Variants in CLCN5 observed in about 807,000 individuals in gnomAD.
CLCN5 encodes Cl-/H+ antiporter 5.
A neutral mutation model predicts 54.0 loss-of-function variants in CLCN5; 17 were observed. That is an observed-to-expected ratio of 0.31 (90% CI 0.22 to 0.47). The LOEUF (loss-of-function observed/expected upper bound fraction) is 0.47, where lower values mean the gene tolerates loss of function less well. Ranked by LOEUF, CLCN5 falls within the 20% of genes least tolerant of loss-of-function variation. CLCN5 has a pLI of 1.00. For missense variants in CLCN5, 448 were observed against 646.7 expected, an observed-to-expected ratio of 0.69 and a Z score of 3.33; for synonymous variants, 222 against 233.0, an observed-to-expected ratio of 0.95 and a Z score of 0.43.
chrX:50,077,280 TTTAGGTCTATGC>T (rs1164419807), intron 7 of CLCN5, among the ~76,000 whole-genome samples: 2 of 110,313 alleles, frequency 1.8e-5, no homozygotes, highest in East Asian at 5.7e-4. Context: ...TTTGAGAGAG[TTTAGGTCTATGC>T]TTCTCAAACT....
chrX:50,009,323 A>T lies in CLCN5; in HGVS notation c.17-32993A>T, dbSNP rs183243895. ...ATTGGGTGATGAGACTTGCACAGCC[A>T]GTCTTTGCTCTCAGTGAGCTTATAG... On this transcript the variant is annotated intron_variant, in intron 3 of 14. Coordinates refer to ENST00000376091, the MANE Select transcript of CLCN5 (RefSeq NM_001127898.4). 1.2e-4 allele frequency among the ~76,000 whole-genome samples: 13 copies of T among 112,145 alleles called. No homozygotes were observed. In the East Asian group the frequency reaches 3.7e-3, roughly 32 times the overall value.
chrX:49,926,973 C>G (rs781852064), intron 3 of CLCN5, among the ~76,000 whole-genome samples: 1 of 111,031 alleles, frequency 9.0e-6, no homozygotes, highest in Non-Finnish European at 1.9e-5. Flanking sequence ...TAACTACCAG[C>G]TTGGGTGCCT....
intron 9 of CLCN5, among the ~76,000 whole-genome samples, chrX:50,082,555 C>T (rs999783880): frequency 9.0e-5 from 10 of 110,759 alleles, no homozygotes; most frequent in African/African-American, 3.0e-4. Flanking sequence ...TCAAGCAATC[C>T]TCCTCCCTCA....
At chrX:50,027,430 T>A (rs145728069) in intron 3 of CLCN5, among the ~76,000 whole-genome samples, 1,137 of 112,288 alleles carry the variant, frequency 0.01, 10 homozygotes, top group Non-Finnish European at 0.016. Context: ...TGAATTTCAG[T>A]TTCAGAAGTT....
chrX:49,946,915 G>A (rs1457059955), intron 3 of CLCN5, among the ~76,000 whole-genome samples: 1 of 109,658 alleles, frequency 9.1e-6, no homozygotes, highest in African/African-American at 3.3e-5. Flanking sequence ...CACAACCTCC[G>A]CTTCCTGGAT....
In CLCN5 at chrX:50,086,516, G is replaced by C. The variant is rs34122840; in HGVS notation, c.1203G>C (p.Leu401=). ...TTCTGCTGGGCATATTTGGTGGTCT[G>C]TGGGGAGCACTGTTTATCCGCACAA... ...PFILLGIFGG[L]WGALFIRTNI... Residue 401 remains leucine, a synonymous_variant, in exon 11 of 15, where the codon CTG becomes CTC. Coordinates refer to ENST00000376091, the MANE Select transcript of CLCN5 (RefSeq NM_001127898.4). 7.8e-3 allele frequency: 9,436 copies of C among 1,208,466 alleles called. 512 individuals are homozygous for C. In the African/African-American group the frequency reaches 0.15, roughly 19 times the overall value.
At chrX:50,059,759 A>G (rs1932820746) in intron 4 of CLCN5, among the ~76,000 whole-genome samples, 1 of 109,398 alleles carries the variant, frequency 9.1e-6, no homozygotes, top group Middle Eastern at 4.2e-3. Flanking sequence ...AAGTAACTGT[A>G]CATGGAATAA....
intron 1 of CLCN5, 74 bp from the exon 2 acceptor site, chrX:49,923,333 C>G (rs782453380): frequency 8.0e-5 from 9 of 112,596 alleles, no homozygotes; most frequent in Non-Finnish European, 1.7e-4. Context: ...GAGCCTTGCT[C>G]TTGAGCGCCT....
In CLCN5 at chrX:50,086,794, T is replaced by C. The variant is rs1557194069; in HGVS notation, c.1481T>C (p.Val494Ala). ...CCTGACAGACCGGCTGGCGTGGGAG[T>C]CTACAGTGCAATGTGGCAGCTGGCT... ...ELPDRPAGVGVYSAMWQLALT... is the reference protein window; with the variant it reads ...ELPDRPAGVGAYSAMWQLALT... Residue 494 changes from valine (V) to alanine (A), a missense_variant, in exon 11 of 15, where the codon GTC becomes GCC. Physicochemically the swap from Val to Ala is moderately conservative, Grantham distance 64 (BLOSUM62 0). Around this residue, in one of 5 missense-constraint regions of CLCN5, gnomAD observed 297 missense variants for 470.4 expected, o/e 0.63. Coordinates refer to ENST00000376091, the MANE Select transcript of CLCN5 (RefSeq NM_001127898.4). 4 of 1,210,393 alleles carry C rather than the reference T, an allele frequency of 3.3e-6. No homozygotes were observed. Among genetic ancestry groups the C allele is most frequent in the Non-Finnish European group, 4.5e-6 (4 of 895,049 alleles).
In CLCN5 at chrX:50,097,996, A is replaced by C. The variant is rs1934314826; in HGVS notation, c.*5777A>C. 8.9e-6 allele frequency: 1 copy of C among 112,358 alleles called. No homozygotes were observed. Among genetic ancestry groups the C allele is most frequent in the Non-Finnish European group, 1.9e-5 (1 of 53,230 alleles). The allele number at this position is 112,358 out of a possible 1,213,427, so 9.3% of individuals were successfully genotyped here. The stretch of plus-strand genomic sequence containing the variant: ...GGGGAATGTTCAGCCTCACTGTCAC[A>C]TTAAGGGTACCTCAAAATACATGGT... On this transcript the variant is annotated 3_prime_UTR_variant, in exon 15 of 15. Transcript: ENST00000376091.
At position 49,984,975 on chromosome X, in the gene CLCN5, G is replaced by GT. The variant is rs1261322492; in HGVS notation, c.17-57331dup. On this transcript the variant is annotated intron_variant, in intron 3 of 14. Transcript: ENST00000376091. The stretch of plus-strand genomic sequence containing the variant: ...TTCTCTCATTTTGAGTACTTGGGCT[G>GT]TTTTTTTTTTGCTGTTGTTGTTTGA... 8.2e-3 allele frequency among the ~76,000 whole-genome samples: 836 copies of GT among 102,388 alleles called. 13 individuals carry two copies. The highest frequency in any genetic ancestry group is 0.027 in the African/African-American group (766 of 28,320). 88.9% of individuals were successfully genotyped at this position (102,388 alleles called of 115,157 possible).
intron 7 of CLCN5, among the ~76,000 whole-genome samples, chrX:50,080,254 ATGACATGGAATCATATATATT>A (rs1480374510): frequency 9.0e-6 from 1 of 111,282 alleles, no homozygotes; most frequent in African/African-American, 3.3e-5. Flanking sequence ...TCTTGGTAAA[ATGACATGGAATCATATATATT>A]TGACTACAAA....
intron 3 of CLCN5, among the ~76,000 whole-genome samples, chrX:49,965,953 C>A (rs184858688): frequency 1.4e-3 from 156 of 111,814 alleles, no homozygotes; most frequent in Admixed American, 1.9e-3. Flanking sequence ...TGAGATGAAC[C>A]CCACTGGGTC....
intron 11 of CLCN5, among the ~76,000 whole-genome samples, chrX:50,087,810 A>C (rs1167424385): frequency 2.7e-5 from 3 of 112,011 alleles, no homozygotes; most frequent in Non-Finnish European, 5.6e-5. Flanking sequence ...TTTGTAAACC[A>C]TCAGAACACC....
chrX:49,931,227 A>AC (rs1557168837), intron 3 of CLCN5, among the ~76,000 whole-genome samples: 2 of 111,851 alleles, frequency 1.8e-5, no homozygotes, highest in African/African-American at 3.3e-5. Context: ...GTAAGTACTC[A>AC]ATACATGGTA....
intron 3 of CLCN5, among the ~76,000 whole-genome samples, chrX:49,984,610 G>GT (rs1258400244): frequency 5.1e-5 from 5 of 97,922 alleles, no homozygotes; most frequent in African/African-American, 1.5e-4. Flanking sequence ...TTTCTTTTTT[G>GT]TTTTTTTCTT....
intron 3 of CLCN5, among the ~76,000 whole-genome samples, chrX:50,034,096 A>G (rs988229994): frequency 1.6e-4 from 18 of 112,451 alleles, no homozygotes; most frequent in African/African-American, 5.2e-4. Flanking sequence ...AGCACGTTCT[A>G]TGGCACTCAG....
chrX:49,976,373 G>T (rs1415039487), intron 3 of CLCN5, among the ~76,000 whole-genome samples: 1 of 112,318 alleles, frequency 8.9e-6, no homozygotes, highest in East Asian at 2.8e-4. Context: ...ATGGTTGAGG[G>T]ATAATGTCAG....
chrX:49,939,783 A>G (rs1180764736), intron 3 of CLCN5, among the ~76,000 whole-genome samples: 3 of 110,989 alleles, frequency 2.7e-5, no homozygotes, highest in African/African-American at 9.8e-5. Context: ...AAACTTAAAA[A>G]AAAAGTTGCC....
Sources: allele counts gnomAD v4.1 joint callset (sites outside exome capture counted in the v4.1 genomes callset), GRCh38; gene constraint gnomAD v4.1.1; regional missense constraint gnomAD v4.1.1; transcripts MANE v1.5; gene names NCBI Gene and HGNC (gene_info 2026-07-23, HGNC 2026-07-21).